GRIA4: variants seen among roughly 807,000 people sequenced by gnomAD.
GRIA4 encodes glutamate ionotropic receptor AMPA type subunit 4.
In GRIA4, 34 loss-of-function variants were observed where a neutral mutation model predicts 104.0. That is an observed-to-expected ratio of 0.33 (90% CI 0.25 to 0.44). The LOEUF is 0.44. Among genes scored for constraint, GRIA4 ranks in the 20% least tolerant of loss-of-function variants. GRIA4 has a pLI of 1.00. For synonymous variants in GRIA4, 386 were observed against 381.9 expected (o/e 1.01, Z -0.13); for missense variants, 750 against 1,096.5 (o/e 0.68, Z 4.46).
intron 3 of GRIA4, among the ~76,000 whole-genome samples, chr11:105,671,740 G>A (rs141692738): frequency 6.8e-6 from 1 of 146,942 alleles, no homozygotes; most frequent in Admixed American, 6.8e-5. Context: ...AATATATTAT[G>A]GGAAGAAAAA....
At chr11:105,680,363 A>T (rs574289676) in intron 3 of GRIA4, among the ~76,000 whole-genome samples, 1 of 152,236 alleles carries the variant, frequency 6.6e-6, no homozygotes, top group South Asian at 2.1e-4. Flanking sequence ...GATTCTGAGC[A>T]TATACAGCCT....
intron 14 of GRIA4, among the ~76,000 whole-genome samples, chr11:105,935,469 G>T (rs903939072): frequency 1.3e-5 from 2 of 152,088 alleles, no homozygotes; most frequent in Non-Finnish European, 1.5e-5. Flanking sequence ...ATCTTTGAGG[G>T]TTTATTTTGT....
chr11:105,690,490 T>A (rs1953045083), intron 3 of GRIA4, among the ~76,000 whole-genome samples: 1 of 152,188 alleles, frequency 6.6e-6, no homozygotes, highest in Admixed American at 6.5e-5. Context: ...ATTAGCCAAC[T>A]CTGATAGGGG....
chr11:105,779,451 C>T (rs1941611412), intron 4 of GRIA4, among the ~76,000 whole-genome samples: 1 of 152,052 alleles, frequency 6.6e-6, no homozygotes, highest in African/African-American at 2.4e-5. Flanking sequence ...TGATATTCCC[C>T]TTCCTGTGTC....
At chr11:105,930,897 C>T (rs1013795624) in intron 13 of GRIA4, among the ~76,000 whole-genome samples, 8 of 151,952 alleles carry the variant, frequency 5.3e-5, no homozygotes, top group African/African-American at 1.7e-4. Flanking sequence ...GAGCTCTATA[C>T]CTTTTTGGGT....
rs145034711 is a variant in GRIA4 at position 105,878,051 on chromosome 11, C to A, written c.673-9468C>A. ...TTTTTCCTCATCTTCATGGATTTAT[C>A]TACCTTTTGTCTTTGATGTTGGTGA... On this transcript the variant is annotated intron_variant, in intron 5 of 16. Coordinates refer to ENST00000282499, the MANE Select transcript of GRIA4 (RefSeq NM_000829.4). Among the ~76,000 whole-genome samples the A allele has an allele frequency of 6.4e-3, 976 of 152,292 alleles. 20 individuals are homozygous for A. Among genetic ancestry groups the A allele is most frequent in the African/African-American group, 0.022 (907 of 41,568 alleles).
intron 3 of GRIA4, among the ~76,000 whole-genome samples, chr11:105,733,969 A>G (rs1301142293): frequency 6.7e-6 from 1 of 149,062 alleles, no homozygotes; most frequent in African/African-American, 2.5e-5. Flanking sequence ...TGATAACCAT[A>G]TTATCATTGG....
At chr11:105,954,208 GAC>G (rs1279132429) in intron 14 of GRIA4, among the ~76,000 whole-genome samples, 1 of 152,110 alleles carries the variant, frequency 6.6e-6, no homozygotes, top group African/African-American at 2.4e-5. Context: ...TGACTAGAGG[GAC>G]AAAACCAACT....
In GRIA4 at chr11:105,795,772, T is replaced by C. The variant is rs1286997044; in HGVS notation, c.487+42552T>C. ...AAAATGAAGAAAATCAACATGGTGCTAGAACATCGATGCTTATTATGCATT... is the reference window on the plus strand; with the variant it reads ...AAAATGAAGAAAATCAACATGGTGCCAGAACATCGATGCTTATTATGCATT... On this transcript the variant is annotated intron_variant, in intron 4 of 16. Coordinates refer to ENST00000282499, the MANE Select transcript of GRIA4 (RefSeq NM_000829.4). 2.6e-5 allele frequency among the ~76,000 whole-genome samples: 4 copies of C among 152,158 alleles called. No individual in the cohort carries two copies. The East Asian group carries it at 7.7e-4, about 29-fold the overall frequency.
At chr11:105,807,594 A>C (rs1246145120) in intron 4 of GRIA4, among the ~76,000 whole-genome samples, 1 of 151,924 alleles carries the variant, frequency 6.6e-6, no homozygotes, top group Non-Finnish European at 1.5e-5. Context: ...AAACTTGATA[A>C]CTTTGATTAA....
chr11:105,615,053 T>C (rs904497071), intron 3 of GRIA4, among the ~76,000 whole-genome samples: 3 of 152,060 alleles, frequency 2.0e-5, no homozygotes, highest in Admixed American at 2.0e-4. Flanking sequence ...AGACATAATA[T>C]GTGGCTGGTT....
intron 3 of GRIA4, among the ~76,000 whole-genome samples, chr11:105,650,318 A>G (rs1951649365): frequency 6.6e-6 from 1 of 151,840 alleles, no homozygotes; most frequent in Non-Finnish European, 1.5e-5. Flanking sequence ...CCCAGAAGAG[A>G]GTGACTATCA....
At chr11:105,878,984 C>T (rs561145852) in intron 5 of GRIA4, among the ~76,000 whole-genome samples, 1 of 152,326 alleles carries the variant, frequency 6.6e-6, no homozygotes, top group African/African-American at 2.4e-5. Flanking sequence ...CAAATGGCTG[C>T]CTAGCTTTGT....
At chr11:105,637,147 T>C (rs1233329035) in intron 3 of GRIA4, among the ~76,000 whole-genome samples, 2 of 152,058 alleles carry the variant, frequency 1.3e-5, no homozygotes, top group African/African-American at 4.8e-5. Flanking sequence ...CATTTAAAAA[T>C]AGTTTTATGA....
At chr11:105,979,055 C>G (rs1048397719) in intron 16 of GRIA4, among the ~76,000 whole-genome samples, 1 of 152,148 alleles carries the variant, frequency 6.6e-6, no homozygotes, top group African/African-American at 2.4e-5. Flanking sequence ...TGGGTCATGT[C>G]TATAACTGGT....
At chr11:105,841,016 A>G (rs531599845) in intron 4 of GRIA4, among the ~76,000 whole-genome samples, 1 of 152,250 alleles carries the variant, frequency 6.6e-6, no homozygotes, top group Non-Finnish European at 1.5e-5. Context: ...ATGGCTCCTT[A>G]TTTATTTAAA....
At chr11:105,634,468 G>GAAAGAAAGAAAGAAA (rs1951134673) in intron 3 of GRIA4, among the ~76,000 whole-genome samples, 2 of 94,298 alleles carry the variant, frequency 2.1e-5, no homozygotes, top group Admixed American at 1.1e-4. Context: ...AGAAAGAAAG[G>GAAAGAAAGAAAGAAA]GAAAGAAAGA....
At chr11:105,733,646 C>T (rs1591162903) in intron 3 of GRIA4, among the ~76,000 whole-genome samples, 2 of 151,670 alleles carry the variant, frequency 1.3e-5, no homozygotes, top group South Asian at 2.1e-4. Flanking sequence ...TTAGTAGAGA[C>T]GGGGTTTCGC....
chr11:105,704,512 T>C (rs922976165), intron 3 of GRIA4, among the ~76,000 whole-genome samples: 2 of 152,064 alleles, frequency 1.3e-5, no homozygotes, highest in Non-Finnish European at 2.9e-5. Flanking sequence ...TTGGTGGACC[T>C]AGCCAAGGAG....
Sources: gnomAD v4.1 joint callset for allele counts (sites outside exome capture counted in the v4.1 genomes callset) on GRCh38, gnomAD v4.1.1 for gene constraint, MANE v1.5 for transcripts, NCBI Gene and HGNC (gene_info 2026-07-23, HGNC 2026-07-21) for gene names.